OSBPL3: variants seen among roughly 807,000 people sequenced by gnomAD.
OSBPL3 encodes oxysterol binding protein like 3, also known as oxysterol-binding protein-related protein 3.
OSBPL3 carries 65 observed loss-of-function variants against 120.1 expected under a neutral mutation model. That is an observed-to-expected ratio of 0.54 (90% CI 0.44 to 0.67). The LOEUF (loss-of-function observed/expected upper bound fraction) is 0.67. Ranked by LOEUF, OSBPL3 falls within the 30% of genes least tolerant of loss-of-function variation. The pLI, the probability that OSBPL3 is intolerant of heterozygous loss-of-function variation, is 0.00. For synonymous variants in OSBPL3, 416 were observed against 402.6 expected (o/e 1.03, Z -0.40); for missense variants, 1,004 against 1,082.1 (o/e 0.93, Z 1.01).
At chr7:24,935,793 T>A (rs554489531) in intron 1 of OSBPL3, among the ~76,000 whole-genome samples, 1 of 152,264 alleles carries the variant, frequency 6.6e-6, no homozygotes, top group African/African-American at 2.4e-5. Flanking sequence ...TATTCTGGCA[T>A]CTATTTTGCA....
chr7:24,915,648 A>T (rs973513597), intron 1 of OSBPL3, among the ~76,000 whole-genome samples: 1 of 150,828 alleles, frequency 6.6e-6, no homozygotes, highest in Non-Finnish European at 1.5e-5. Flanking sequence ...ATCTTGGCTC[A>T]CTGCAGCCTC....
intron 7 of OSBPL3, among the ~76,000 whole-genome samples, chr7:24,864,929 C>T (rs1418289589): frequency 6.6e-6 from 1 of 152,136 alleles, no homozygotes; most frequent in African/African-American, 2.4e-5. Context: ...ATTTTAAAAG[C>T]CCTCTGGGTG....
chr7:24,960,271 T>C (rs550991724), intron 1 of OSBPL3, among the ~76,000 whole-genome samples: 1 of 152,274 alleles, frequency 6.6e-6, no homozygotes, highest in African/African-American at 2.4e-5. Flanking sequence ...TCATTAGTCT[T>C]CTAAAAATAT....
At position 24,802,744 on chromosome 7, in the gene OSBPL3, T is replaced by A. The variant is rs866790084; in HGVS notation, c.2567+1571A>T. ...TCATAATTGTACATTTTTCTTTTTT[T>A]AAAAAATGAAAATAGACAATGTATG... On this transcript the variant is annotated intron_variant, in intron 22 of 22. Transcript: ENST00000313367. This position sits in a 1 kb window ranked among gnomAD's most constrained non-coding sequence, Gnocchi z 4.1. Among the ~76,000 whole-genome samples the A allele has an allele frequency of 4.1e-4, 62 of 152,304 alleles. No individual in the cohort carries two copies. Among genetic ancestry groups the A allele is most frequent in the Middle Eastern group, 3.4e-3 (1 of 294 alleles).
rs577714851 is a variant in OSBPL3 at position 24,917,080 on chromosome 7, C to A, written c.-149-24459G>T. Among the ~76,000 whole-genome samples, 15 of 152,158 alleles carry A rather than the reference C, an allele frequency of 9.9e-5. No individual in the cohort carries two copies. In the South Asian group the frequency reaches 3.1e-3, roughly 32 times the overall value. On this transcript the variant is annotated intron_variant, in intron 1 of 22. Transcript: ENST00000313367. ...TTGTAACTATATACAATTTGCTCTA[C>A]CACAGAACTCCAAGAATGCATTCCA...
At chr7:24,866,263 G>T in intron 5 of OSBPL3, 26 bp from the exon 6 acceptor site, 1 of 1,514,494 alleles carries the variant, frequency 6.6e-7, no homozygotes, top group East Asian at 2.3e-5. Flanking sequence ...TTGAAAAAAG[G>T]AAACAAGAGA....
At chr7:24,892,121 T>C (rs530113920) in intron 2 of OSBPL3, among the ~76,000 whole-genome samples, 6 of 152,312 alleles carry the variant, frequency 3.9e-5, no homozygotes, top group South Asian at 4.1e-4. Flanking sequence ...AAAATGAAGA[T>C]GTTAAAATCT....
At chr7:24,850,305 A>C (rs1798983981) in intron 11 of OSBPL3, among the ~76,000 whole-genome samples, 1 of 152,196 alleles carries the variant, frequency 6.6e-6, no homozygotes, top group South Asian at 2.1e-4. Context: ...TGTGCACTTC[A>C]TGACCAACTC....
intron 2 of OSBPL3, among the ~76,000 whole-genome samples, chr7:24,884,399 C>T (rs1028610408): frequency 6.6e-6 from 1 of 152,154 alleles, no homozygotes; most frequent in African/African-American, 2.4e-5. Context: ...ACAGACCCCA[C>T]TGAGTTGTGC....
rs1181748316 is a variant in OSBPL3 at position 24,802,423 on chromosome 7, A to T, written c.2567+1892T>A. On this transcript the variant is annotated intron_variant, in intron 22 of 22. Transcript: ENST00000313367. The surrounding 1 kb of genome is among the most constrained non-coding windows in gnomAD (Gnocchi z 4.1). ...GAAAAAAATTTTCCCATCTAATACT[A>T]TGATCATTTTACAGACAGTCAAAAA... Among the ~76,000 whole-genome samples, 5 of 152,232 alleles carry T rather than the reference A, an allele frequency of 3.3e-5. No individual in the cohort carries two copies. The highest frequency in any genetic ancestry group is 7.3e-5 in the Non-Finnish European group (5 of 68,034).
chr7:24,832,842 G>A (rs745759410), intron 15 of OSBPL3, among the ~76,000 whole-genome samples: 18 of 152,160 alleles, frequency 1.2e-4, no homozygotes, highest in Admixed American at 3.3e-4. Context: ...ATAAGCAGAC[G>A]TGCAGGACAG....
chr7:24,852,044 C>T lies in OSBPL3; in HGVS notation c.1158+460G>A, dbSNP rs546011776. Among the ~76,000 whole-genome samples the T allele has an allele frequency of 6.6e-6, 1 of 152,294 alleles. No homozygotes were observed. Among genetic ancestry groups the T allele is most frequent in the South Asian group, 2.1e-4 (1 of 4,828 alleles). ...CTCATGTCTTTGAAAGAGTGGTAAA[C>T]AGGATCAGTGCTTTGCAATAGGGAA... On this transcript the variant is annotated intron_variant, in intron 11 of 22. Coordinates refer to ENST00000313367, the MANE Select transcript of OSBPL3 (RefSeq NM_015550.4). This position sits in a 1 kb window ranked among gnomAD's most constrained non-coding sequence, Gnocchi z 4.1.
rs886936827 is a variant in OSBPL3 at position 24,871,013 on chromosome 7, C to T, written c.268-168G>A. Among the ~76,000 whole-genome samples, 6 of 152,182 alleles carry T rather than the reference C, an allele frequency of 3.9e-5. No individual in the cohort carries two copies. The highest frequency in any genetic ancestry group is 7.3e-5 in the Non-Finnish European group (5 of 68,044). On this transcript the variant is annotated intron_variant, in intron 4 of 22. Coordinates refer to ENST00000313367, the MANE Select transcript of OSBPL3 (RefSeq NM_015550.4). This position sits in a 1 kb window ranked among gnomAD's most constrained non-coding sequence, Gnocchi z 4.8. ...TTACGTGCTGGACATGCACTGTCTT[C>T]CTGAATCTCCGAGGTAGGAAGTACT...
In OSBPL3 at chr7:24,980,109, C is replaced by T. The variant is rs1289617816; in HGVS notation, c.-373G>A. The T allele has an allele frequency of 8.4e-6, 8 of 955,334 alleles. No homozygotes were observed. Among genetic ancestry groups the T allele is most frequent in the Non-Finnish European group, 8.7e-6 (7 of 802,714 alleles). 59.2% of individuals were successfully genotyped at this position (955,334 alleles called of 1,614,324 possible). A position where few individuals can be genotyped will look rare whatever the true frequency, so the allele number is the denominator to read the frequency against. On this transcript the variant is annotated 5_prime_UTR_variant, in exon 1 of 23. Transcript: ENST00000313367. ...CACCGGCCGCGAAGCGCTCAAGTCC[C>T]CTCTCCCGGGCCGGCTGGCGGGCGC...
In OSBPL3 at chr7:24,972,132, G is replaced by A. The variant is rs905194360; in HGVS notation, c.-150+7754C>T. Among the ~76,000 whole-genome samples the A allele has an allele frequency of 1.5e-4, 23 of 152,270 alleles. No homozygotes were observed. Among genetic ancestry groups the A allele is most frequent in the African/African-American group, 5.5e-4 (23 of 41,548 alleles). On this transcript the variant is annotated intron_variant, in intron 1 of 22. Transcript: ENST00000313367. This position sits in a 1 kb window ranked among gnomAD's most constrained non-coding sequence, Gnocchi z 4.3. The stretch of plus-strand genomic sequence containing the variant: ...GGTTGCTAGATATCATTGCGTTTCT[G>A]CTATAAAGGTGTTAAAAACTCAACT...
chr7:24,978,797 C>T (rs756445130), intron 1 of OSBPL3, among the ~76,000 whole-genome samples: 7 of 152,202 alleles, frequency 4.6e-5, no homozygotes, highest in Admixed American at 1.3e-4. Flanking sequence ...AGCACCTCTG[C>T]GCAGTACGCA....
In OSBPL3 at chr7:24,966,613, T is replaced by C. The variant is rs1816411452; in HGVS notation, c.-150+13273A>G. 6.6e-6 allele frequency among the ~76,000 whole-genome samples: 1 copy of C among 152,218 alleles called. No individual in the cohort carries two copies. The highest frequency in any genetic ancestry group is 1.5e-5 in the Non-Finnish European group (1 of 68,038). On this transcript the variant is annotated intron_variant, in intron 1 of 22. Transcript: ENST00000313367. The surrounding 1 kb of genome is among the most constrained non-coding windows in gnomAD (Gnocchi z 4.8). ...ATGTTTAGGCCAAAGTCTTTCCTTT[T>C]TGACACCCTATTATTGGTATCATTC...
At chr7:24,874,011 T>C (rs7800352) in intron 2 of OSBPL3, among the ~76,000 whole-genome samples, 139,109 of 152,260 alleles carry the variant, frequency 0.91, 63,795 homozygotes, top group East Asian at 1. Context: ...TCCTTGAGGG[T>C]ATAAAGGGTC....
chr7:24,846,742 C>A (rs1445238807), intron 12 of OSBPL3, among the ~76,000 whole-genome samples: 6 of 152,108 alleles, frequency 3.9e-5, no homozygotes. Context: ...AGGCCCAACA[C>A]CAAAGATGGG....
Sources: allele counts gnomAD v4.1 joint callset (sites outside exome capture counted in the v4.1 genomes callset), GRCh38; gene constraint gnomAD v4.1.1; non-coding constraint Gnocchi (gnomAD v3.1); transcripts MANE v1.5; gene names NCBI Gene and HGNC (gene_info 2026-07-23, HGNC 2026-07-21).